The following DNAH5 variants were observed in gnomAD, a reference collection of about 807,000 sequenced individuals.
The protein encoded by DNAH5 is dynein axonemal heavy chain 5.
DNAH5 carries 372 observed loss-of-function variants against 518.2 expected under a neutral mutation model. The observed-to-expected ratio is 0.72, with a 90% confidence interval of 0.66 to 0.78. The LOEUF (loss-of-function observed/expected upper bound fraction) is 0.78. Ranked by LOEUF, DNAH5 falls within the 30% of genes least tolerant of loss-of-function variation. The pLI is 0.00. For missense variants in DNAH5, 5,523 were observed against 5,687.0 expected, an observed-to-expected ratio of 0.97 and a Z score of 0.93; for synonymous variants, 2,039 against 2,025.9, an observed-to-expected ratio of 1.01 and a Z score of -0.17.
intron 1 of DNAH5, among the ~76,000 whole-genome samples, chr5:13,949,756 C>A (rs145423662): frequency 6.6e-6 from 1 of 152,168 alleles, no homozygotes; most frequent in Non-Finnish European, 1.5e-5. Flanking sequence ...TGGGCACTAA[C>A]GGAGGGATAC....
At chr5:13,871,851 T>TAAA in intron 22 of DNAH5, 86 bp from the exon 23 acceptor site, 1 of 1,165,448 alleles carries the variant, frequency 8.6e-7, no homozygotes, top group Non-Finnish European at 1.3e-6. Context: ...CTGCTGGTGG[T>TAAA]TCCTATGGAT....
chr5:13,717,552 A>C, intron 72 of DNAH5, 32 bp from the exon 73 acceptor site: 1 of 1,532,284 alleles, frequency 6.5e-7, no homozygotes, highest in African/African-American at 1.4e-5. Context: ...AAAATGTATC[A>C]TCTCTCAAAT....
At chr5:13,818,362 G>A (rs1020881969) in intron 41 of DNAH5, among the ~76,000 whole-genome samples, 2 of 152,194 alleles carry the variant, frequency 1.3e-5, no homozygotes, top group African/African-American at 4.8e-5. Context: ...ACTTTGGGGG[G>A]CCAAGGCGGG....
chr5:13,816,067 G>T (rs1408506501), intron 42 of DNAH5, among the ~76,000 whole-genome samples: 1 of 152,120 alleles, frequency 6.6e-6, no homozygotes, highest in African/African-American at 2.4e-5. Context: ...GAGAAGGAAG[G>T]GTTTCAAGAA....
intron 61 of DNAH5, 149 bp downstream of exon 61, chr5:13,758,697 C>A: frequency 8.8e-7 from 1 of 1,138,954 alleles, no homozygotes; most frequent in Non-Finnish European, 1.3e-6. Flanking sequence ...GACTGACCAT[C>A]CTGTTGTCTC....
rs1772213945 is a variant in DNAH5, at chr5:13,885,096, A to G, written c.2876T>C (p.Leu959Pro). ...EMLGEEARELLSHFNHQNMDA... is the reference protein window; with the variant it reads ...EMLGEEARELPSHFNHQNMDA... ...CATGTTCTGATGGTTGAAATGAGAG[A>G]GTAACTCGCGGGCTTCTTCCCCTAA... is the stretch of plus-strand genomic sequence containing the variant. Residue 959 changes from leucine to proline, a missense_variant, in exon 19 of 79, where the codon CTC becomes CCC. Leu to Pro is a moderately conservative substitution (Grantham distance 98). Transcript: ENST00000265104. The G allele has an allele frequency of 6.2e-7, 1 of 1,614,206 alleles. No individual in the cohort carries two copies. Among genetic ancestry groups the G allele is most frequent in the Non-Finnish European group, 8.5e-7 (1 of 1,180,038 alleles).
At chr5:13,783,516 G>C (rs1435342254) in intron 52 of DNAH5, among the ~76,000 whole-genome samples, 2 of 152,106 alleles carry the variant, frequency 1.3e-5, no homozygotes, top group Admixed American at 6.6e-5. Flanking sequence ...CCAGGATCAT[G>C]ATTTGTTTAC....
chr5:13,769,616 C>G lies in DNAH5; in HGVS notation c.9606-1G>C, dbSNP rs1160531469. The stretch of plus-strand genomic sequence containing the variant: ...GAGCTTTTCCAATCCAGTATTCATT[C>G]TGGGATTGAAAATCCAAGCAAGCAA... On this transcript the variant is annotated splice_acceptor_variant, in intron 56 of 78. Coordinates refer to ENST00000265104, the MANE Select transcript of DNAH5 (RefSeq NM_001369.3). LOFTEE classifies it high-confidence loss of function. 1 of 1,612,834 alleles carries G rather than the reference C, an allele frequency of 6.2e-7. No individual in the cohort carries two copies. Among genetic ancestry groups the G allele is most frequent in the Non-Finnish European group, 8.5e-7 (1 of 1,178,856 alleles).
chr5:13,940,016 T>C (rs1434334211), intron 1 of DNAH5, among the ~76,000 whole-genome samples: 1 of 152,196 alleles, frequency 6.6e-6, no homozygotes, highest in Non-Finnish European at 1.5e-5. Flanking sequence ...CTATTTTTGC[T>C]GGAGTTCCCA....
intron 1 of DNAH5, among the ~76,000 whole-genome samples, chr5:13,995,971 C>T (rs1045130826): frequency 6.6e-6 from 1 of 152,122 alleles, no homozygotes; most frequent in East Asian, 1.9e-4. Flanking sequence ...CTGATAAAGC[C>T]TACTATACAG....
chr5:13,871,922 T>C (rs111959961), intron 22 of DNAH5, among the ~76,000 whole-genome samples, 157 bp from the exon 23 acceptor site: 240 of 152,320 alleles, frequency 1.6e-3, no homozygotes, highest in African/African-American at 5.5e-3. Flanking sequence ...TGGGACTATA[T>C]ACAATAGTGT....
Position 13,707,046 on chromosome 5 carries a change from C to T in DNAH5, c.13338+1077G>A, listed in dbSNP as rs1229203925. Among the ~76,000 whole-genome samples, 4 of 152,154 alleles carry T rather than the reference C, an allele frequency of 2.6e-5. No homozygotes were observed. Among genetic ancestry groups the T allele is most frequent in the African/African-American group, 4.8e-5 (2 of 41,408 alleles). On this transcript the variant is annotated intron_variant, in intron 76 of 78. Transcript: ENST00000265104. The surrounding 1 kb of genome is among the most constrained non-coding windows in gnomAD (Gnocchi z 4.0). ...CCCCGCATCCTGTGCCCATATAAAC[C>T]CAAGGGACCATAGCGGGCACACACA... is the stretch of plus-strand genomic sequence containing the variant.
intron 65 of DNAH5, among the ~76,000 whole-genome samples, chr5:13,740,915 T>C (rs1748428425): frequency 6.6e-6 from 1 of 152,234 alleles, no homozygotes. Flanking sequence ...ATTATTTATA[T>C]GTTATGCTCC....
At chr5:13,720,023 C>T (rs188209238) in intron 71 of DNAH5, among the ~76,000 whole-genome samples, 1 of 151,352 alleles carries the variant, frequency 6.6e-6, no homozygotes, top group Non-Finnish European at 1.5e-5. Context: ...CTACAAGATC[C>T]AGATCATAAT....
At chr5:13,724,814 T>G (rs1745507618) in intron 70 of DNAH5, among the ~76,000 whole-genome samples, 1 of 152,190 alleles carries the variant, frequency 6.6e-6, no homozygotes, top group African/African-American at 2.4e-5. Context: ...TGCCAGCTCC[T>G]CCTTCACCTT....
At chr5:13,720,873 G>C in intron 71 of DNAH5, 127 bp downstream of exon 71, 1 of 1,188,278 alleles carries the variant, frequency 8.4e-7, no homozygotes, top group Non-Finnish European at 1.2e-6. Context: ...AAAAAAAAAC[G>C]CTGTTTAGTA....
In DNAH5 at chr5:13,792,146, A is replaced by G. The variant is rs200554369; in HGVS notation, c.8296T>C (p.Leu2766=). 3.7e-5 allele frequency: 59 copies of G among 1,613,820 alleles called. No individual in the cohort carries two copies. The highest frequency in any genetic ancestry group is 4.6e-5 in the Non-Finnish European group (54 of 1,179,956). The change falls in exon 50 of 79, where the codon TTG becomes CTG. Residue 2766 remains leucine, a synonymous_variant. Coordinates refer to ENST00000265104, the MANE Select transcript of DNAH5 (RefSeq NM_001369.3). Reference sequence around the variant, plus strand: ...CATAGTCGGCGTGTCAGAGGCACCAATTTTGTCACAGAATCTCTCACTTCT... The same window carrying G: ...CATAGTCGGCGTGTCAGAGGCACCAGTTTTGTCACAGAATCTCTCACTTCT... ...SEEVRDSVTK[L]VPLTRRLWQM...
chr5:13,733,649 T>A (rs573443386), intron 68 of DNAH5, among the ~76,000 whole-genome samples: 1 of 152,316 alleles, frequency 6.6e-6, no homozygotes, highest in East Asian at 1.9e-4. Context: ...TATAATTTAA[T>A]CATTTCTAAG....
chr5:13,902,392 G>A (rs534088229), intron 12 of DNAH5, among the ~76,000 whole-genome samples: 33 of 152,340 alleles, frequency 2.2e-4, no homozygotes, highest in Admixed American at 1.4e-3. Flanking sequence ...AGCCTGGGGG[G>A]TGGCACTGGG....
Sources: allele counts gnomAD v4.1 joint callset (sites outside exome capture counted in the v4.1 genomes callset), GRCh38; gene constraint gnomAD v4.1.1; non-coding constraint Gnocchi (gnomAD v3.1); transcripts MANE v1.5; gene names NCBI Gene and HGNC (gene_info 2026-07-23, HGNC 2026-07-21).